The following USP24 variants were observed in gnomAD, a reference collection of about 807,000 sequenced individuals.
The protein encoded by USP24 is ubiquitin carboxyl-terminal hydrolase 24.
A neutral mutation model predicts 361.6 loss-of-function variants in USP24; 97 were observed. The ratio of observed to expected loss-of-function variants is 0.27; its 90% confidence interval spans 0.23 to 0.32. The LOEUF (loss-of-function observed/expected upper bound fraction) is 0.32. Ranked by LOEUF, USP24 falls within the 10% of genes least tolerant of loss-of-function variation. The pLI, the probability that USP24 is intolerant of heterozygous loss-of-function variation, is 1.00. For synonymous variants in USP24, 1,098 were observed against 1,124.6 expected (o/e 0.98, Z 0.47); for missense variants, 2,353 against 3,165.6 (o/e 0.74, Z 6.16).
rs111563246 is a variant in USP24 at position 55,200,994 on chromosome 1, T to C, written c.324+13796A>G. On this transcript the variant is annotated intron_variant, in intron 1 of 67. Transcript: ENST00000294383. Reference sequence around the variant, plus strand: ...TTAATGTGTTACATCCAAAATTGTATACATTATAAAGACACCGGCAATAGC... The same window carrying C: ...TTAATGTGTTACATCCAAAATTGTACACATTATAAAGACACCGGCAATAGC... Among the ~76,000 whole-genome samples the C allele has an allele frequency of 1.3e-3, 191 of 152,320 alleles. 1 individual carries two copies. The highest frequency in any genetic ancestry group is 4.3e-3 in the African/African-American group (177 of 41,570).
At chr1:55,176,340 C>A (rs751683247) in intron 3 of USP24, 36 bp downstream of exon 3, 1 of 1,538,164 alleles carries the variant, frequency 6.5e-7, no homozygotes. Context: ...CCCACCCCGA[C>A]ACACACAAAA....
chr1:55,105,962 GCTTA>G (rs1645760876), intron 41 of USP24, among the ~76,000 whole-genome samples, 180 bp downstream of exon 41: 2 of 152,136 alleles, frequency 1.3e-5, no homozygotes, highest in African/African-American at 4.8e-5. Flanking sequence ...CTTGCTCCGT[GCTTA>G]CTATGTGCCA....
intron 43 of USP24, 103 bp downstream of exon 43, chr1:55,101,481 T>C (rs1398596128): frequency 2.7e-6 from 4 of 1,472,326 alleles, no homozygotes; most frequent in Non-Finnish European, 3.7e-6. Context: ...GCAAGTTATG[T>C]CTTGTTTTAG....
intron 1 of USP24, among the ~76,000 whole-genome samples, chr1:55,209,175 C>CTAGTA (rs1644789086): frequency 6.6e-6 from 1 of 151,976 alleles, no homozygotes; most frequent in Non-Finnish European, 1.5e-5. Context: ...TTAGTCGTAC[C>CTAGTA]TCTGCAATCT....
At chr1:55,195,570 C>T (rs997448512) in intron 1 of USP24, among the ~76,000 whole-genome samples, 1 of 152,158 alleles carries the variant, frequency 6.6e-6, no homozygotes, top group Admixed American at 6.5e-5. Context: ...AGGAGTGTTA[C>T]TGTAAGAGTA....
rs531946423 is a variant in USP24 at position 55,075,665 on chromosome 1, A to C, written c.7381-142T>G. 5.5e-5 allele frequency: 33 copies of C among 595,294 alleles called. No homozygotes were observed. In the African/African-American group the frequency reaches 6.0e-4, roughly 11 times the overall value. The allele number at this position is 595,294 out of a possible 1,614,324, so 36.9% of individuals were successfully genotyped here. On this transcript the variant is annotated intron_variant, in intron 62 of 67. Coordinates refer to ENST00000294383, the MANE Select transcript of USP24 (RefSeq NM_015306.3). ...AACAACAACAACAACAACAACAACA[A>C]CACCACCACCACCAATACAGGACGG... is the stretch of plus-strand genomic sequence containing the variant.
At chr1:55,125,170 C>T in intron 34 of USP24, 150 bp downstream of exon 34, 1 of 680,866 alleles carries the variant, frequency 1.5e-6, no homozygotes, top group East Asian at 2.7e-5. Flanking sequence ...ATAGTTATTT[C>T]TACCCTAGCG....
At chr1:55,086,164 T>A in intron 55 of USP24, 126 bp from the exon 56 acceptor site, 1 of 817,168 alleles carries the variant, frequency 1.2e-6, no homozygotes, top group Non-Finnish European at 2.0e-6. Context: ...TTAGCGCTTA[T>A]GGGCCAAGTG....
In USP24 at chr1:55,079,672, A is replaced by G. The variant is rs1268423736; in HGVS notation, c.7079-13T>C. On this transcript the variant is annotated splice_polypyrimidine_tract_variant and intron_variant, in intron 59 of 67. Transcript: ENST00000294383. ...AATATGCCAGGAGCTTTAGGAGACC[A>G]AAGAAACAAAACAGAACCTGTCTCA... is the stretch of plus-strand genomic sequence containing the variant. 6.6e-7 allele frequency: 1 copy of G among 1,525,364 alleles called. No individual in the cohort carries two copies. Among genetic ancestry groups the G allele is most frequent in the African/African-American group, 1.5e-5 (1 of 68,908 alleles). The allele number at this position is 1,525,364 out of a possible 1,614,324, so 94.5% of individuals were successfully genotyped here.
At chr1:55,097,822 A>C in intron 47 of USP24, 105 bp from the exon 48 acceptor site, 1 of 1,506,488 alleles carries the variant, frequency 6.6e-7, no homozygotes, top group Admixed American at 2.4e-5. Flanking sequence ...ATGTGAAAAC[A>C]AGTAATGACA....
intron 67 of USP24, 176 bp downstream of exon 67, chr1:55,071,638 G>A: frequency 8.8e-7 from 1 of 1,138,896 alleles, no homozygotes; most frequent in Non-Finnish European, 1.2e-6. Flanking sequence ...ACTCAGCCCT[G>A]TAAACACACG....
rs368422417 is a variant in USP24 at position 55,142,763 on chromosome 1, A to G, written c.2613T>C (p.Ala871=). ...DSVSLHKKFI[A]DCYTRLEAAS... The stretch of plus-strand genomic sequence containing the variant: ...TCACTTCTAATCTTGTGTAGCAATC[A>G]GCAATGAATTTCTTATGTAAAGATA... Residue 871 remains alanine, a synonymous_variant, in exon 23 of 68, where the codon GCT becomes GCC. Coordinates refer to ENST00000294383, the MANE Select transcript of USP24 (RefSeq NM_015306.3). 1.1e-4 allele frequency: 175 copies of G among 1,553,964 alleles called. No homozygotes were observed. The highest frequency in any genetic ancestry group is 1.5e-4 in the Non-Finnish European group (170 of 1,146,992).
At chr1:55,083,211 A>T in intron 58 of USP24, 61 bp downstream of exon 58, 1 of 1,533,290 alleles carries the variant, frequency 6.5e-7, no homozygotes, top group South Asian at 1.2e-5. Context: ...ACCTACAAAA[A>T]GAAACACAGC....
intron 61 of USP24, among the ~76,000 whole-genome samples, chr1:55,077,920 G>C (rs1410755219): frequency 6.6e-6 from 1 of 152,196 alleles, no homozygotes; most frequent in African/African-American, 2.4e-5. Context: ...CAGTCATAGA[G>C]GAAGAAACTG....
At chr1:55,212,034 C>T (rs1013690903) in intron 1 of USP24, among the ~76,000 whole-genome samples, 1 of 152,096 alleles carries the variant, frequency 6.6e-6, no homozygotes. Flanking sequence ...AAAGAGAGCC[C>T]GAAAGAGTGC....
intron 28 of USP24, among the ~76,000 whole-genome samples, chr1:55,135,158 T>A (rs946194035): frequency 7.9e-5 from 12 of 152,138 alleles, no homozygotes; most frequent in Admixed American, 2.0e-4. Context: ...ATATAATTTT[T>A]AAAAAAATTG....
intron 65 of USP24, 136 bp downstream of exon 65, chr1:55,072,650 A>G: frequency 2.2e-6 from 2 of 930,096 alleles, no homozygotes; most frequent in Non-Finnish European, 3.2e-6. Flanking sequence ...CAAGATATAA[A>G]CTGTAGCAAA....
In USP24 at chr1:55,069,055, A is replaced by T. The variant is rs1644867044; in HGVS notation, c.7853T>A (p.Val2618Asp). 1 of 1,614,034 alleles carries T rather than the reference A, an allele frequency of 6.2e-7. No individual in the cohort carries two copies. Among genetic ancestry groups the T allele is most frequent in the Non-Finnish European group, 8.5e-7 (1 of 1,179,902 alleles). Residue 2618 changes from valine (V) to aspartate (D), a missense_variant, in exon 68 of 68, where the codon GTT becomes GAT. By Grantham distance (152) the Val-to-Asp change is radical (BLOSUM62 -3). Transcript: ENST00000294383. Reference sequence around the variant, plus strand: ...GCTGGGCATGTTCCTCTAGGGATCAACATCATCAAGGTCACTTCTCAACTC... The same window carrying T: ...GCTGGGCATGTTCCTCTAGGGATCATCATCATCAAGGTCACTTCTCAACTC... The part of the protein sequence containing the change: ...IGELRSDLDD[V>D]DP
intron 1 of USP24, 28 bp downstream of exon 1, chr1:55,214,760 CCA>C (rs924019648): frequency 1.7e-6 from 2 of 1,207,292 alleles, no homozygotes; most frequent in African/African-American, 3.2e-5. Flanking sequence ...CAGTGGCTTC[CCA>C]CAGAGGTCTG....
Sources: allele counts gnomAD v4.1 joint callset (sites outside exome capture counted in the v4.1 genomes callset), GRCh38; gene constraint gnomAD v4.1.1; transcripts MANE v1.5; gene names NCBI Gene and HGNC (gene_info 2026-07-23, HGNC 2026-07-21).